Variants in GOLGA4 observed in about 807,000 individuals in gnomAD.
GOLGA4 encodes golgin subfamily A member 4.
A neutral mutation model predicts 265.9 loss-of-function variants in GOLGA4; 169 were observed. The ratio of observed to expected loss-of-function variants is 0.64; its 90% confidence interval spans 0.56 to 0.72. The LOEUF is 0.72. Among genes scored for constraint, GOLGA4 ranks in the 30% least tolerant of loss-of-function variants. The pLI, the probability that GOLGA4 is intolerant of heterozygous loss-of-function variation, is 0.00. For synonymous variants in GOLGA4, 923 were observed against 855.8 expected (o/e 1.08, Z -1.37); for missense variants, 2,482 against 2,483.4 (o/e 1.00, Z 0.01).
chr3:37,355,059 G>A (rs2097086722), intron 21 of GOLGA4, 42 bp from the exon 22 acceptor site: 3 of 1,115,916 alleles, frequency 2.7e-6, no homozygotes, highest in East Asian at 2.4e-5. Context: ...GACTTTATAT[G>A]CTTCACTGTC....
In GOLGA4 at chr3:37,325,001, G is replaced by C. The variant is rs765176674; in HGVS notation, c.3115G>C (p.Glu1039Gln). 1 of 1,612,904 alleles carries C rather than the reference G, an allele frequency of 6.2e-7. No individual in the cohort carries two copies. Among genetic ancestry groups the C allele is most frequent in the Admixed American group, 1.7e-5 (1 of 59,912 alleles). The change falls in exon 14 of 24, where the codon GAA becomes CAA. Residue 1039 changes from glutamate (E) to glutamine (Q), a missense_variant. Physicochemically the swap from Glu to Gln is conservative, Grantham distance 29. Around this residue, in one of 3 missense-constraint regions of GOLGA4, gnomAD observed 1,536 missense variants for 1,483.7 expected, o/e 1.04. Transcript: ENST00000361924. ...AAGTCTTACTGAGGTTCATCGACGA[G>C]AACTCAATGATGTCATATCAATCTG... is the stretch of plus-strand genomic sequence containing the variant. ...IESLTEVHRR[E>Q]LNDVISIWEK...
At chr3:37,328,876 G>A (rs754162471) in intron 15 of GOLGA4, 87 bp from the exon 16 acceptor site, 105 of 1,054,308 alleles carry the variant, frequency 1.0e-4, no homozygotes, top group Non-Finnish European at 1.4e-4. Context: ...AAAATTAATT[G>A]GAATGAGAGT....
At chr3:37,357,275 T>A (rs1053980790) in intron 22 of GOLGA4, among the ~76,000 whole-genome samples, 1 of 152,116 alleles carries the variant, frequency 6.6e-6, no homozygotes, top group Non-Finnish European at 1.5e-5. Context: ...TTAAGCAAAG[T>A]CTCATCCATC....
chr3:37,270,182 C>T (rs535124272), intron 2 of GOLGA4, among the ~76,000 whole-genome samples: 1 of 146,394 alleles, frequency 6.8e-6, no homozygotes, highest in East Asian at 2.0e-4. Context: ...GCATGAGCCA[C>T]TGAGCCCGGC....
intron 2 of GOLGA4, among the ~76,000 whole-genome samples, chr3:37,275,297 A>G (rs2096813128): frequency 6.6e-6 from 1 of 151,074 alleles, no homozygotes. Context: ...AACTCTGTGG[A>G]CAGGTGTCTT....
intron 20 of GOLGA4, among the ~76,000 whole-genome samples, chr3:37,346,625 CCTA>C (rs1475228491): frequency 1.3e-5 from 2 of 152,106 alleles, no homozygotes; most frequent in Non-Finnish European, 2.9e-5. Context: ...AACATCGACT[CCTA>C]CTGTACATAT....
rs147811769 is a variant in GOLGA4, at chr3:37,290,495, C to T, written c.582+1204C>T. On this transcript the variant is annotated intron_variant, in intron 5 of 23. Coordinates refer to ENST00000361924, the MANE Select transcript of GOLGA4 (RefSeq NM_002078.5). ...ATTTACCACAATTCCCAAATAAATTCTTTAAAACATTTCTAAACATGACTT... is the reference window on the plus strand; with the variant it reads ...ATTTACCACAATTCCCAAATAAATTTTTTAAAACATTTCTAAACATGACTT... Among the ~76,000 whole-genome samples, 110 of 152,190 alleles carry T rather than the reference C, an allele frequency of 7.2e-4. 1 individual carries two copies. Among genetic ancestry groups the T allele is most frequent in the East Asian group, 1.2e-3 (6 of 5,188 alleles).
intron 23 of GOLGA4, among the ~76,000 whole-genome samples, chr3:37,362,689 T>A (rs1024380169): frequency 5.3e-5 from 8 of 151,478 alleles, no homozygotes; most frequent in African/African-American, 1.2e-4. Flanking sequence ...GGCACCTATT[T>A]TTTTATTTTA....
intron 14 of GOLGA4, among the ~76,000 whole-genome samples, 186 bp downstream of exon 14, chr3:37,328,011 T>C (rs984028964): frequency 2.1e-4 from 32 of 152,136 alleles, no homozygotes; most frequent in Non-Finnish European, 4.4e-5. Flanking sequence ...GGCAGTGTTA[T>C]TCCATGTCCA....
At chr3:37,259,025 A>AT (rs1560282882) in intron 2 of GOLGA4, among the ~76,000 whole-genome samples, 1 of 151,900 alleles carries the variant, frequency 6.6e-6, no homozygotes, top group Non-Finnish European at 1.5e-5. Context: ...CCTCTCTTGT[A>AT]TTTTTTCAAG....
intron 16 of GOLGA4, among the ~76,000 whole-genome samples, chr3:37,329,541 C>A (rs1280744159): frequency 6.6e-6 from 1 of 152,172 alleles, no homozygotes; most frequent in African/African-American, 2.4e-5. Context: ...TTACTCTTAT[C>A]TCTACCCAGT....
chr3:37,245,198 A>G (rs923238631), intron 1 of GOLGA4: 1 of 152,698 alleles, frequency 6.5e-6, no homozygotes, highest in African/African-American at 2.4e-5. Context: ...GTCAACATTT[A>G]CTGTGTCATT....
chr3:37,284,955 A>G (rs995699669), intron 3 of GOLGA4, among the ~76,000 whole-genome samples: 2 of 151,792 alleles, frequency 1.3e-5, no homozygotes, highest in African/African-American at 2.4e-5. Flanking sequence ...GTGAGCCACC[A>G]TGCCTGGCTG....
chr3:37,280,225 T>A (rs2096831182), intron 2 of GOLGA4, among the ~76,000 whole-genome samples: 1 of 152,206 alleles, frequency 6.6e-6, no homozygotes, highest in Non-Finnish European at 1.5e-5. Flanking sequence ...GTGAAGTACT[T>A]ATGGGTGAAT....
intron 21 of GOLGA4, among the ~76,000 whole-genome samples, chr3:37,353,398 T>C (rs1011754672): frequency 6.6e-6 from 1 of 151,990 alleles, no homozygotes; most frequent in Non-Finnish European, 1.5e-5. Context: ...TGAAGCGCAA[T>C]AGAATGAGGT....
At chr3:37,354,073 G>A (rs901613721) in intron 21 of GOLGA4, among the ~76,000 whole-genome samples, 7 of 152,084 alleles carry the variant, frequency 4.6e-5, no homozygotes, top group Non-Finnish European at 1.0e-4. Context: ...TATAATAGGA[G>A]CTTTAAAAAA....
intron 2 of GOLGA4, among the ~76,000 whole-genome samples, chr3:37,257,306 T>C (rs972678633): frequency 2.0e-5 from 3 of 152,172 alleles, no homozygotes; most frequent in African/African-American, 7.2e-5. Flanking sequence ...ATCTATGTAC[T>C]GTATTAGTAC....
In GOLGA4 at chr3:37,319,173, G is replaced by A. The variant is rs748136678; in HGVS notation, c.1524G>A (p.Gln508=). The change falls in exon 12 of 24, where the codon CAG becomes CAA. Residue 508 remains glutamine (Q), a synonymous_variant. Transcript: ENST00000361924. ...TTCAGACCCGAGAAAGGGAATTTCA[G>A]GAACAAATGAAAGTAGCTCTTGTAA... The part of the protein sequence containing the change: ...KKLQTREREF[Q]EQMKVALEKS... The A allele has an allele frequency of 3.7e-6, 6 of 1,608,272 alleles. No homozygotes were observed. The East Asian group carries it at 1.3e-4, about 36-fold the overall frequency.
chr3:37,266,898 T>C (rs1249823580), intron 2 of GOLGA4: 21 of 1,288,624 alleles, frequency 1.6e-5, no homozygotes, highest in Non-Finnish European at 2.1e-5. Flanking sequence ...CTATCTTTGC[T>C]TTGGATTCCT....
Sources: allele counts gnomAD v4.1 joint callset (sites outside exome capture counted in the v4.1 genomes callset), GRCh38; gene constraint gnomAD v4.1.1; regional missense constraint gnomAD v4.1.1; transcripts MANE v1.5; gene names NCBI Gene and HGNC (gene_info 2026-07-23, HGNC 2026-07-21).